The following WDFY4 variants were observed in gnomAD, a reference collection of about 807,000 sequenced individuals.
WDFY4 encodes WD repeat- and FYVE domain-containing protein 4.
A neutral mutation model predicts 351.9 loss-of-function variants in WDFY4; 169 were observed. The observed-to-expected ratio is 0.48, with a 90% CI of 0.42 to 0.55. The LOEUF is 0.55. Among genes scored for constraint, WDFY4 ranks in the 20% least tolerant of loss-of-function variants. The pLI, the probability that WDFY4 is intolerant of heterozygous loss-of-function variation, is 0.00. For synonymous variants in WDFY4, 1,622 were observed against 1,574.6 expected (o/e 1.03, Z -0.71); for missense variants, 3,803 against 3,935.6 (o/e 0.97, Z 0.90).
At chr10:48,943,102 G>GTT (rs752599621) in intron 48 of WDFY4, among the ~76,000 whole-genome samples, 2 of 147,302 alleles carry the variant, frequency 1.4e-5, no homozygotes, top group Admixed American at 6.8e-5. Context: ...ACTGCATTGG[G>GTT]TTTTTTTTTT....
chr10:48,806,400 A>G (rs762720611), intron 27 of WDFY4, among the ~76,000 whole-genome samples: 30 of 151,680 alleles, frequency 2.0e-4, no homozygotes, highest in Non-Finnish European at 4.0e-4. Context: ...AACCCCCACT[A>G]CCCCTTACTT....
chr10:48,974,722 G>A (rs948659239), intron 57 of WDFY4, 140 bp from the exon 58 acceptor site: 14 of 877,616 alleles, frequency 1.6e-5, no homozygotes, highest in Non-Finnish European at 2.2e-5. Flanking sequence ...CAGCTGCACA[G>A]ACAACAGACT....
chr10:48,941,975 T>C (rs1840790935), intron 48 of WDFY4, 127 bp downstream of exon 48: 2 of 953,670 alleles, frequency 2.1e-6, no homozygotes, highest in African/African-American at 1.7e-5. Context: ...ATTATTATTA[T>C]TTCTTTGAGA....
At chr10:48,908,697 C>G (rs968943219) in intron 47 of WDFY4, among the ~76,000 whole-genome samples, 7 of 151,986 alleles carry the variant, frequency 4.6e-5, no homozygotes, top group Non-Finnish European at 5.9e-5. Flanking sequence ...AGACACTGTA[C>G]ACCTTTCACT....
rs3081490 is a variant in WDFY4, at chr10:48,928,353, C to CGTGTGTGTGTGTGT, written c.7587-13422_7587-13409dup. ...TGGCCCTTGGAGGCTTTGGTTTTGA[C>CGTGTGTGTGTGTGT]GTGTGTGTGTGTGTGTGTGTGTGTG... On this transcript the variant is annotated intron_variant, in intron 47 of 61. Coordinates refer to ENST00000325239, the MANE Select transcript of WDFY4 (RefSeq NM_001394531.1). Among the ~76,000 whole-genome samples the CGTGTGTGTGTGTGT allele has an allele frequency of 2.5e-3, 315 of 125,030 alleles. 9 individuals carry two copies. The highest frequency in any genetic ancestry group is 4.1e-3 in the East Asian group (16 of 3,872). 82.0% of individuals were successfully genotyped at this position (125,030 alleles called of 152,430 possible). A position where few individuals can be genotyped will look rare whatever the true frequency, so the allele number is the denominator to read the frequency against.
intron 47 of WDFY4, among the ~76,000 whole-genome samples, chr10:48,926,712 TG>T (rs1277425898): frequency 6.6e-6 from 1 of 152,242 alleles, no homozygotes; most frequent in African/African-American, 2.4e-5. Context: ...ATAGTATGAA[TG>T]TTAATGATAT....
chr10:48,823,574 G>A (rs1405939659), intron 35 of WDFY4: 2 of 1,064,826 alleles, frequency 1.9e-6, no homozygotes, highest in African/African-American at 1.6e-5. Flanking sequence ...GAATTCAAAG[G>A]CTTCTTCAGG....
chr10:48,914,156 G>A (rs780216091), intron 47 of WDFY4: 9 of 1,610,656 alleles, frequency 5.6e-6, no homozygotes, highest in African/African-American at 5.4e-5. Flanking sequence ...CCTTAACCAT[G>A]TTCTTTTAGT....
At chr10:48,736,183 G>T in intron 11 of WDFY4, 113 bp downstream of exon 11, 1 of 1,222,338 alleles carries the variant, frequency 8.2e-7, no homozygotes, top group Non-Finnish European at 1.2e-6. Flanking sequence ...TATGTGGCAG[G>T]CAGTACCCTG....
chr10:48,904,517 C>T (rs1226710327), intron 47 of WDFY4, among the ~76,000 whole-genome samples: 1 of 152,092 alleles, frequency 6.6e-6, no homozygotes, highest in Non-Finnish European at 1.5e-5. Flanking sequence ...ATGGCTGGAC[C>T]GCTAGGCACA....
At chr10:48,942,332 T>A (rs2133762739) in intron 48 of WDFY4, among the ~76,000 whole-genome samples, 1 of 152,214 alleles carries the variant, frequency 6.6e-6, no homozygotes, top group Admixed American at 6.5e-5. Flanking sequence ...GGTGATGGAG[T>A]ACAAATCTTG....
chr10:48,872,806 T>G (rs527881069), intron 40 of WDFY4, among the ~76,000 whole-genome samples: 1 of 152,350 alleles, frequency 6.6e-6, no homozygotes, highest in African/African-American at 2.4e-5. Flanking sequence ...GAGGATCTTA[T>G]AGCTATTAAA....
chr10:48,720,316 G>T (rs1565126483), intron 3 of WDFY4, among the ~76,000 whole-genome samples, 191 bp downstream of exon 3: 1 of 152,090 alleles, frequency 6.6e-6, no homozygotes, highest in Non-Finnish European at 1.5e-5. Flanking sequence ...AAGAGGGGTC[G>T]GGGAGCCCTG....
intron 1 of WDFY4, among the ~76,000 whole-genome samples, chr10:48,700,751 A>G (rs2063457244): frequency 6.6e-6 from 1 of 152,206 alleles, no homozygotes; most frequent in African/African-American, 2.4e-5. Context: ...TTAGGTGGGC[A>G]CAGCCTTTGG....
At chr10:48,852,179 G>A (rs1333832870) in intron 39 of WDFY4, among the ~76,000 whole-genome samples, 2 of 152,070 alleles carry the variant, frequency 1.3e-5, no homozygotes, top group African/African-American at 4.8e-5. Context: ...AACTTTCCAG[G>A]GCACAAAGGG....
At chr10:48,719,832 C>T (rs914539538) in intron 2 of WDFY4, among the ~76,000 whole-genome samples, 179 bp from the exon 3 acceptor site, 11 of 152,170 alleles carry the variant, frequency 7.2e-5, no homozygotes, top group Non-Finnish European at 1.0e-4. Context: ...AATCTGGAGG[C>T]GTTGGTATAG....
intron 39 of WDFY4, among the ~76,000 whole-genome samples, chr10:48,834,740 G>T (rs559341060): frequency 6.6e-6 from 1 of 152,234 alleles, no homozygotes; most frequent in African/African-American, 2.4e-5. Context: ...AGGGTGCTGG[G>T]CATGGGCATT....
intron 39 of WDFY4, among the ~76,000 whole-genome samples, chr10:48,863,398 C>T (rs995220997): frequency 6.6e-6 from 1 of 152,260 alleles, no homozygotes; most frequent in East Asian, 1.9e-4. Context: ...ACTTGGTTGG[C>T]TGTATCATTG....
intron 31 of WDFY4, among the ~76,000 whole-genome samples, chr10:48,814,907 C>CT (rs1025506792): frequency 4.6e-5 from 7 of 152,142 alleles, no homozygotes; most frequent in African/African-American, 1.4e-4. Flanking sequence ...CCCCTTTTGC[C>CT]TTTTTTTCCT....
Sources: gnomAD v4.1 joint callset for allele counts (sites outside exome capture counted in the v4.1 genomes callset) on GRCh38, gnomAD v4.1.1 for gene constraint, MANE v1.5 for transcripts, NCBI Gene and HGNC (gene_info 2026-07-23, HGNC 2026-07-21) for gene names.